Variants in ATP8A2 observed in about 807,000 individuals in gnomAD.
ATP8A2 encodes phospholipid-transporting ATPase IB.
A neutral mutation model predicts 165.6 loss-of-function variants in ATP8A2; 100 were observed. The observed-to-expected ratio is 0.60, with a 90% confidence interval of 0.51 to 0.71. ATP8A2 has a LOEUF of 0.71. Among genes scored for constraint, ATP8A2 ranks in the 30% least tolerant of loss-of-function variants. ATP8A2 has a pLI of 0.00. For missense variants in ATP8A2, 1,227 were observed against 1,479.5 expected, an observed-to-expected ratio of 0.83 and a Z score of 2.80; for synonymous variants, 543 against 548.8, an observed-to-expected ratio of 0.99 and a Z score of 0.15.
intron 3 of ATP8A2, among the ~76,000 whole-genome samples, 155 bp downstream of exon 3, chr13:25,530,253 T>C (rs914337489): frequency 6.6e-6 from 1 of 152,226 alleles, no homozygotes; most frequent in Non-Finnish European, 1.5e-5. Flanking sequence ...AGCCTGACTT[T>C]GTATACAGGG....
chr13:25,456,344 A>T (rs1593332650), intron 1 of ATP8A2, among the ~76,000 whole-genome samples: 1 of 152,216 alleles, frequency 6.6e-6, no homozygotes. Context: ...GTCCACACTT[A>T]TACAAGTGGA....
intron 33 of ATP8A2, among the ~76,000 whole-genome samples, chr13:25,888,910 T>G (rs1953258250): frequency 6.6e-6 from 1 of 152,176 alleles, no homozygotes; most frequent in Non-Finnish European, 1.5e-5. Context: ...GAAGGAAATT[T>G]TATTGAAATC....
At chr13:25,834,191 G>A (rs527793545) in intron 28 of ATP8A2, among the ~76,000 whole-genome samples, 2 of 152,204 alleles carry the variant, frequency 1.3e-5, no homozygotes, top group Non-Finnish European at 2.9e-5. Flanking sequence ...TTGGGGAAAT[G>A]CAGCTTTTTA....
intron 2 of ATP8A2, among the ~76,000 whole-genome samples, chr13:25,513,093 C>T (rs961872449): frequency 2.7e-4 from 41 of 151,692 alleles, no homozygotes; most frequent in Non-Finnish European, 3.1e-4. Context: ...GGGTGGCTGC[C>T]AGGCGGAGAC....
rs867481030 is a variant in ATP8A2, at chr13:25,372,322, G to A, written c.76+34G>A. ...GGAGGGGCGCGGCGAGGGAGGGTGG[G>A]CCCGGGGCGGGGGCGGCGCGGGGCG... On this transcript the variant is annotated intron_variant, in intron 1 of 36. Transcript: ENST00000381655. The surrounding 1 kb of genome is among the most constrained non-coding windows in gnomAD (Gnocchi z 4.8). The A allele has an allele frequency of 7.1e-6, 6 of 846,782 alleles. No individual in the cohort carries two copies. Among genetic ancestry groups the A allele is most frequent in the South Asian group, 1.7e-5 (1 of 59,640 alleles). The allele number at this position is 846,782 out of a possible 1,614,324, so 52.5% of individuals were successfully genotyped here.
chr13:25,451,063 T>C (rs1357525120), intron 1 of ATP8A2, among the ~76,000 whole-genome samples: 1 of 152,154 alleles, frequency 6.6e-6, no homozygotes, highest in Non-Finnish European at 1.5e-5. Flanking sequence ...TAACCCCTTT[T>C]TCCCTTGGGA....
intron 2 of ATP8A2, among the ~76,000 whole-genome samples, chr13:25,494,529 T>C (rs1268848978): frequency 1.3e-5 from 2 of 152,206 alleles, no homozygotes; most frequent in African/African-American, 2.4e-5. Context: ...GAGAGGAGAC[T>C]GTGGGGACAC....
chr13:25,442,074 C>T (rs2034946367), intron 1 of ATP8A2, among the ~76,000 whole-genome samples: 1 of 152,198 alleles, frequency 6.6e-6, no homozygotes, highest in African/African-American at 2.4e-5. Flanking sequence ...AATTTCCTTT[C>T]CTTTAAGGTT....
intron 1 of ATP8A2, among the ~76,000 whole-genome samples, chr13:25,421,449 C>A (rs2034295556): frequency 6.6e-6 from 1 of 152,146 alleles, no homozygotes; most frequent in Admixed American, 6.5e-5. Flanking sequence ...ATCCTCCCAC[C>A]TCAGCCCCCC....
At chr13:25,472,745 A>T (rs1000427522) in intron 2 of ATP8A2, among the ~76,000 whole-genome samples, 5 of 152,164 alleles carry the variant, frequency 3.3e-5, no homozygotes, top group Non-Finnish European at 5.9e-5. Flanking sequence ...GGGATAGATG[A>T]GGCTCAGGCC....
chr13:25,962,430 A>C (rs947314948), intron 34 of ATP8A2, among the ~76,000 whole-genome samples: 1 of 152,258 alleles, frequency 6.6e-6, no homozygotes, highest in Non-Finnish European at 1.5e-5. Flanking sequence ...GAAATCATTC[A>C]TATTAAATTT....
At chr13:25,592,741 G>A (rs1333173916) in intron 24 of ATP8A2, among the ~76,000 whole-genome samples, 3 of 152,120 alleles carry the variant, frequency 2.0e-5, no homozygotes, top group South Asian at 4.1e-4. Flanking sequence ...GTTTTCTGGA[G>A]TCCAAGAGAT....
chr13:25,461,271 G>A (rs748359256), intron 1 of ATP8A2, among the ~76,000 whole-genome samples: 15 of 152,326 alleles, frequency 9.8e-5, no homozygotes, highest in Non-Finnish European at 1.6e-4. Flanking sequence ...CCTTCGAAAT[G>A]TGTCTGCCAA....
chr13:25,992,677 G>GTTTT (rs34947450), intron 35 of ATP8A2, among the ~76,000 whole-genome samples: 1 of 147,064 alleles, frequency 6.8e-6, no homozygotes, highest in Non-Finnish European at 1.5e-5. Context: ...AAGTTGTATA[G>GTTTT]TTTTTTTTTT....
At chr13:25,630,085 C>A (rs9671101) in intron 24 of ATP8A2, among the ~76,000 whole-genome samples, 97 of 151,594 alleles carry the variant, frequency 6.4e-4, no homozygotes, top group African/African-American at 1.6e-3. Flanking sequence ...TTGTCCCCCC[C>A]CCACCACCAA....
intron 28 of ATP8A2, among the ~76,000 whole-genome samples, chr13:25,829,718 A>ATATATATC (rs1951415941): frequency 1.0e-5 from 1 of 99,976 alleles, no homozygotes; most frequent in Non-Finnish European, 2.0e-5. Context: ...ATATATATAT[A>ATATATATC]TATCACCTGC....
At chr13:25,547,323 C>T (rs899255888) in intron 10 of ATP8A2, among the ~76,000 whole-genome samples, 1 of 151,864 alleles carries the variant, frequency 6.6e-6, no homozygotes, top group African/African-American at 2.4e-5. Flanking sequence ...GAAGCTTCAT[C>T]TGTATTTACA....
rs148159974 is a variant in ATP8A2, at chr13:25,386,811, C to G, written c.76+14523C>G. On this transcript the variant is annotated intron_variant, in intron 1 of 36. Transcript: ENST00000381655. ...AGGAGATCGAGACCAATCTGGCTAA[C>G]ACGGTGAAACCCCGTCTCTACTAAA... Among the ~76,000 whole-genome samples, 1,463 of 152,202 alleles carry G rather than the reference C, an allele frequency of 9.6e-3. 28 individuals are homozygous for G. Among genetic ancestry groups the G allele is most frequent in the African/African-American group, 0.033 (1,390 of 41,524 alleles).
At chr13:26,003,662 T>TA in intron 35 of ATP8A2, among the ~76,000 whole-genome samples, 1 of 152,322 alleles carries the variant, frequency 6.6e-6, no homozygotes, top group South Asian at 2.1e-4. Context: ...AACTCGTATA[T>TA]ATAAGTCTTT....
Sources: gnomAD v4.1 joint callset for allele counts (sites outside exome capture counted in the v4.1 genomes callset) on GRCh38, gnomAD v4.1.1 for gene constraint, Gnocchi (gnomAD v3.1) non-coding constraint, MANE v1.5 for transcripts, NCBI Gene and HGNC (gene_info 2026-07-23, HGNC 2026-07-21) for gene names.